USP10: variants seen among roughly 807,000 people sequenced by gnomAD.
The protein encoded by USP10 is ubiquitin carboxyl-terminal hydrolase 10.
Under a neutral mutation model 84.5 loss-of-function variants are expected in USP10, and 22 were observed. That is an observed-to-expected ratio of 0.26 (90% CI 0.19 to 0.37). The LOEUF is 0.37. Ranked by LOEUF, USP10 falls within the 10% of genes least tolerant of loss-of-function variation. USP10 has a pLI of 1.00. For synonymous variants in USP10, 454 were observed against 387.6 expected (o/e 1.17, Z -2.01); for missense variants, 1,019 against 998.9 (o/e 1.02, Z -0.27).
chr16:84,759,746 C>G (rs1441911325), intron 6 of USP10, 145 bp from the exon 7 acceptor site: 18 of 838,056 alleles, frequency 2.1e-5, no homozygotes, highest in Non-Finnish European at 2.9e-5. Context: ...ATAGAAGAGA[C>G]TTGAGTTCAC....
At chr16:84,712,069 G>A (rs979387723) in intron 1 of USP10, among the ~76,000 whole-genome samples, 1 of 152,080 alleles carries the variant, frequency 6.6e-6, no homozygotes, top group Non-Finnish European at 1.5e-5. Context: ...GTGCTTCGTT[G>A]CCCTTGCTGC....
In USP10 at chr16:84,768,360, T is replaced by C. The variant is rs189466547; in HGVS notation, c.1998+2T>C. 4.7e-4 allele frequency: 742 copies of C among 1,592,542 alleles called. 4 individuals are homozygous for C. In the East Asian group the frequency reaches 0.013, roughly 27 times the overall value. ...TATACCACAAAAACCAAACAAGAGG[T>C]ATGTTCACACTTGATTTTGAACCTT... On this transcript the variant is annotated splice_donor_variant, in intron 11 of 13. Coordinates refer to ENST00000219473, the MANE Select transcript of USP10 (RefSeq NM_005153.3). LOFTEE classifies it high-confidence loss of function.
At chr16:84,727,175 C>T (rs577515478) in intron 1 of USP10, among the ~76,000 whole-genome samples, 4 of 152,288 alleles carry the variant, frequency 2.6e-5, no homozygotes, top group South Asian at 2.1e-4. Flanking sequence ...TTTAGTCTCC[C>T]GTGTGAACTG....
intron 1 of USP10, among the ~76,000 whole-genome samples, chr16:84,701,758 A>G (rs1473361904): frequency 6.6e-6 from 1 of 152,202 alleles, no homozygotes; most frequent in Non-Finnish European, 1.5e-5. Context: ...TTTACGTTTT[A>G]TACAACAGTC....
chr16:84,744,604 T>G, intron 3 of USP10, 29 bp from the exon 4 acceptor site: 2 of 1,557,316 alleles, frequency 1.3e-6, no homozygotes, highest in Non-Finnish European at 1.7e-6. Context: ...AGAACTGGGT[T>G]CTTAACTAAT....
chr16:84,755,467 G>A (rs1240671814), intron 4 of USP10, among the ~76,000 whole-genome samples: 7 of 151,714 alleles, frequency 4.6e-5, no homozygotes, highest in Non-Finnish European at 7.4e-5. Context: ...ACTCCTACAC[G>A]CTGCCCCTGC....
At chr16:84,764,509 G>A in intron 10 of USP10, among the ~76,000 whole-genome samples, 1 of 152,188 alleles carries the variant, frequency 6.6e-6, no homozygotes, top group Non-Finnish European at 1.5e-5. Context: ...GTCAAGTTCA[G>A]CTGCTCACTG....
rs530231290 is a variant in USP10 at position 84,771,175 on chromosome 16, C to G, written c.1999-1366C>G. 5.3e-4 allele frequency among the ~76,000 whole-genome samples: 81 copies of G among 152,214 alleles called. 1 individual carries two copies. The highest frequency in any genetic ancestry group is 1.9e-3 in the African/African-American group (79 of 41,554). Reference sequence around the variant, plus strand: ...TGCATCTTAGTGACAAAAAACCTGGCTTTATTTAAAAGCAGCATTCATCAG... The same window carrying G: ...TGCATCTTAGTGACAAAAAACCTGGGTTTATTTAAAAGCAGCATTCATCAG... On this transcript the variant is annotated intron_variant, in intron 11 of 13. Transcript: ENST00000219473.
At chr16:84,774,695 C>G (rs932708451) in intron 12 of USP10, among the ~76,000 whole-genome samples, 2 of 152,144 alleles carry the variant, frequency 1.3e-5, no homozygotes, top group Non-Finnish European at 2.9e-5. Flanking sequence ...TGGTCTCGAT[C>G]TCCTGACCTC....
intron 1 of USP10, among the ~76,000 whole-genome samples, chr16:84,724,703 G>A (rs1002257652): frequency 6.6e-6 from 1 of 152,174 alleles, no homozygotes; most frequent in Non-Finnish European, 1.5e-5. Flanking sequence ...TAATAAAACT[G>A]TAAATGTCAC....
rs768771475 is a variant in USP10 at position 84,758,698 on chromosome 16, GCTT to G, written c.1193-13_1193-11del. ...TAGATGTCATCAATTTCTGAAATAT[GCTT>G]CTTCACTCTTTCAGAGTTGCTGGAG... On this transcript the variant is annotated splice_polypyrimidine_tract_variant and intron_variant, in intron 4 of 13. Transcript: ENST00000219473. 1.3e-5 allele frequency: 20 copies of G among 1,555,652 alleles called. No individual in the cohort carries two copies. The African/African-American group carries it at 2.6e-4, about 20-fold the overall frequency.
At chr16:84,724,146 C>T (rs1908159404) in intron 1 of USP10, among the ~76,000 whole-genome samples, 1 of 152,182 alleles carries the variant, frequency 6.6e-6, no homozygotes, top group Non-Finnish European at 1.5e-5. Flanking sequence ...ATCTATATTA[C>T]CTTGCTATTT....
At chr16:84,722,940 TGA>T (rs2150781390) in intron 1 of USP10, among the ~76,000 whole-genome samples, 1 of 152,276 alleles carries the variant, frequency 6.6e-6, no homozygotes, top group Non-Finnish European at 1.5e-5. Context: ...GACAGCAAAG[TGA>T]AACTGAGTAC....
At chr16:84,767,461 CCTT>C (rs1252520025) in intron 10 of USP10, among the ~76,000 whole-genome samples, 10 of 152,286 alleles carry the variant, frequency 6.6e-5, no homozygotes, top group Middle Eastern at 3.4e-3. Context: ...ACCCTACTCC[CCTT>C]CTTCTTTTTG....
chr16:84,700,083 G>A lies in USP10; in HGVS notation c.-8G>A, dbSNP rs1214922590. Reference sequence around the variant, plus strand: ...GAGGATCGCGGAGTCCCAATGAAACGGGCAGCCATGGCCCTCCACAGCCCG... The same window carrying A: ...GAGGATCGCGGAGTCCCAATGAAACAGGCAGCCATGGCCCTCCACAGCCCG... On this transcript the variant is annotated 5_prime_UTR_variant, in exon 1 of 14. Coordinates refer to ENST00000219473, the MANE Select transcript of USP10 (RefSeq NM_005153.3). 16 of 1,372,368 alleles carry A rather than the reference G, an allele frequency of 1.2e-5. No homozygotes were observed. Among genetic ancestry groups the A allele is most frequent in the Non-Finnish European group, 1.5e-5 (16 of 1,042,740 alleles). 85.0% of individuals were successfully genotyped at this position (1,372,368 alleles called of 1,614,324 possible).
intron 11 of USP10, 23 bp downstream of exon 11, chr16:84,768,381 A>C: frequency 5.2e-6 from 8 of 1,545,030 alleles, no homozygotes; most frequent in Non-Finnish European, 7.0e-6. Context: ...TTGATTTTGA[A>C]CCTTTCTACT....
intron 1 of USP10, chr16:84,709,231 C>G (rs1476288503): frequency 6.6e-6 from 1 of 152,118 alleles, no homozygotes; most frequent in Non-Finnish European, 1.5e-5. Flanking sequence ...GAGATGTTTC[C>G]CAAAGGAAGG....
At chr16:84,739,408 A>G (rs917643636) in intron 2 of USP10, among the ~76,000 whole-genome samples, 4 of 152,062 alleles carry the variant, frequency 2.6e-5, no homozygotes, top group Non-Finnish European at 1.5e-5. Flanking sequence ...AGTAGCTGGG[A>G]TTACAGGTGC....
Position 84,708,030 on chromosome 16 carries a change from A to T in USP10, c.21+7919A>T, listed in dbSNP as rs555403454. 3.3e-5 allele frequency among the ~76,000 whole-genome samples: 5 copies of T among 152,184 alleles called. No homozygotes were observed. In the South Asian group the frequency reaches 1.0e-3, roughly 32 times the overall value. The stretch of plus-strand genomic sequence containing the variant: ...GAGGTGGACATTGTAGTGAGTCGAG[A>T]TTGTGCCACTGCACTTCAGCTTGGG... On this transcript the variant is annotated intron_variant, in intron 1 of 13. Transcript: ENST00000219473.
Sources: gnomAD v4.1 joint callset for allele counts (sites outside exome capture counted in the v4.1 genomes callset) on GRCh38, gnomAD v4.1.1 for gene constraint, MANE v1.5 for transcripts, NCBI Gene and HGNC (gene_info 2026-07-23, HGNC 2026-07-21) for gene names.